The following ZNF407 variants were observed in gnomAD, a reference collection of about 807,000 sequenced individuals.
ZNF407 encodes the protein zinc finger protein 407.
ZNF407 carries 17 observed loss-of-function variants against 131.2 expected under a neutral mutation model. The observed-to-expected ratio is 0.13, with a 90% CI of 0.09 to 0.19. The LOEUF is 0.19. ZNF407 is among the 10% of genes least tolerant of loss of function. The pLI is 1.00. For missense variants in ZNF407, 2,681 were observed against 2,830.6 expected (o/e 0.95, Z 1.20); for synonymous variants, 1,156 against 1,062.0 (o/e 1.09, Z -1.72).
chr18:74,811,960 A>G (rs1970203419), intron 4 of ZNF407, among the ~76,000 whole-genome samples: 2 of 151,660 alleles, frequency 1.3e-5, no homozygotes, highest in Non-Finnish European at 2.9e-5. Flanking sequence ...GCAGCACACC[A>G]GCATGGCACA....
At chr18:74,920,765 G>T (rs757084268) in intron 8 of ZNF407, 73 bp downstream of exon 8, 1 of 1,469,432 alleles carries the variant, frequency 6.8e-7, no homozygotes, top group African/African-American at 1.4e-5. Flanking sequence ...AATGCTATTT[G>T]TACATTACCA....
chr18:74,998,050 A>G (rs1376329373), intron 8 of ZNF407, among the ~76,000 whole-genome samples: 4 of 152,132 alleles, frequency 2.6e-5, no homozygotes, highest in Admixed American at 2.0e-4. Context: ...CATCTCCAAG[A>G]TGAGGAGCCT....
At chr18:74,807,181 TC>T (rs1261334188) in intron 4 of ZNF407, among the ~76,000 whole-genome samples, 4 of 151,640 alleles carry the variant, frequency 2.6e-5, no homozygotes, top group Non-Finnish European at 5.9e-5. Flanking sequence ...GCAAAGAGAG[TC>T]CCTGTATTCT....
intron 3 of ZNF407, among the ~76,000 whole-genome samples, chr18:74,776,687 T>TA (rs1266105705): frequency 3.3e-5 from 5 of 152,058 alleles, no homozygotes; most frequent in East Asian, 3.9e-4. Flanking sequence ...CCCCATGCAG[T>TA]AAAAAATCCA....
intron 6 of ZNF407, among the ~76,000 whole-genome samples, chr18:74,888,344 AAAAAAG>A (rs1186432529): frequency 6.6e-6 from 1 of 152,144 alleles, no homozygotes; most frequent in Non-Finnish European, 1.5e-5. Context: ...GCCATATTTA[AAAAAAG>A]AAAAAGTAAC....
At chr18:74,998,343 GCTGT>G (rs1165673310) in intron 8 of ZNF407, among the ~76,000 whole-genome samples, 4 of 152,162 alleles carry the variant, frequency 2.6e-5, no homozygotes, top group Non-Finnish European at 5.9e-5. Flanking sequence ...TCCTTCCCAG[GCTGT>G]CTGTCAGCTC....
chr18:74,787,286 C>T lies in ZNF407; in HGVS notation c.4877+5784C>T, dbSNP rs181474157. Among the ~76,000 whole-genome samples, 408 of 152,214 alleles carry T rather than the reference C, an allele frequency of 2.7e-3. 2 individuals are homozygous for T. The highest frequency in any genetic ancestry group is 6.3e-3 in the African/African-American group (261 of 41,526). On this transcript the variant is annotated intron_variant, in intron 4 of 8. Coordinates refer to ENST00000299687, the MANE Select transcript of ZNF407 (RefSeq NM_017757.3). ...AAGGCACATGTGGAGATAGGAGATA[C>T]ACCCTCATGTTCCACCAAAGTTATC...
intron 8 of ZNF407, among the ~76,000 whole-genome samples, chr18:75,019,039 A>G (rs1363194539): frequency 6.6e-6 from 1 of 152,152 alleles, no homozygotes; most frequent in Non-Finnish European, 1.5e-5. Context: ...AAAAGACTAT[A>G]CAGTATTAGA....
intron 4 of ZNF407, among the ~76,000 whole-genome samples, chr18:74,853,715 GCT>G (rs535428837): frequency 6.6e-6 from 1 of 152,014 alleles, no homozygotes; most frequent in Non-Finnish European, 1.5e-5. Context: ...CTGTGTTGCT[GCT>G]CTCTGTTTGT....
chr18:74,893,941 A>G (rs1971420698), intron 7 of ZNF407, among the ~76,000 whole-genome samples: 1 of 152,138 alleles, frequency 6.6e-6, no homozygotes. Flanking sequence ...CATCATTAGA[A>G]ACTGAAATAT....
intron 4 of ZNF407, among the ~76,000 whole-genome samples, chr18:74,852,168 C>T (rs952009435): frequency 4.4e-5 from 2 of 45,338 alleles, no homozygotes; most frequent in Non-Finnish European, 1.1e-4. Context: ...GCATGCTACA[C>T]ACACACACAC....
chr18:74,773,592 C>G (rs1262129715), intron 3 of ZNF407, among the ~76,000 whole-genome samples: 1 of 152,116 alleles, frequency 6.6e-6, no homozygotes, highest in Non-Finnish European at 1.5e-5. Context: ...AAGTTTTATG[C>G]GAATAATTGT....
At chr18:74,740,095 A>T (rs1468446724) in intron 3 of ZNF407, among the ~76,000 whole-genome samples, 1 of 152,154 alleles carries the variant, frequency 6.6e-6, no homozygotes, top group Admixed American at 6.5e-5. Flanking sequence ...AGAGGTCAGA[A>T]ATCAATGTGC....
chr18:74,830,416 G>A (rs1433059748), intron 4 of ZNF407, among the ~76,000 whole-genome samples: 1 of 152,108 alleles, frequency 6.6e-6, no homozygotes, highest in East Asian at 1.9e-4. Flanking sequence ...CTGAGTAGCT[G>A]TGACTACAGG....
intron 8 of ZNF407, among the ~76,000 whole-genome samples, chr18:74,926,400 A>G (rs957733183): frequency 6.6e-6 from 1 of 152,228 alleles, no homozygotes; most frequent in Admixed American, 6.5e-5. Flanking sequence ...ATTTATCAGT[A>G]AACATACTGT....
At chr18:74,671,493 G>A (rs186501046) in intron 3 of ZNF407, among the ~76,000 whole-genome samples, 33 of 152,018 alleles carry the variant, frequency 2.2e-4, no homozygotes, top group African/African-American at 6.3e-4. Flanking sequence ...TATTTTTTCT[G>A]TTCCTCTCCC....
chr18:74,981,900 G>A (rs927238410), intron 8 of ZNF407, among the ~76,000 whole-genome samples: 2 of 152,238 alleles, frequency 1.3e-5, no homozygotes, highest in African/African-American at 4.8e-5. Flanking sequence ...TATGAGGCTT[G>A]TAGGATTTAG....
intron 3 of ZNF407, among the ~76,000 whole-genome samples, chr18:74,750,442 G>T (rs1407476063): frequency 6.6e-6 from 1 of 152,026 alleles, no homozygotes; most frequent in Non-Finnish European, 1.5e-5. Context: ...ATTTATTCTG[G>T]ACAGTTCATA....
chr18:74,848,313 A>C (rs1970730526), intron 4 of ZNF407, among the ~76,000 whole-genome samples: 1 of 152,196 alleles, frequency 6.6e-6, no homozygotes, highest in South Asian at 2.1e-4. Flanking sequence ...CAGCAGAGTC[A>C]TTTTTGGGTG....
Sources: allele counts gnomAD v4.1 joint callset (sites outside exome capture counted in the v4.1 genomes callset), GRCh38; gene constraint gnomAD v4.1.1; transcripts MANE v1.5; gene names NCBI Gene and HGNC (gene_info 2026-07-23, HGNC 2026-07-21).